Variants in ZNF385B observed in about 807,000 individuals in gnomAD.
ZNF385B encodes zinc finger protein 533.
Under a neutral mutation model 39.2 loss-of-function variants are expected in ZNF385B, and 23 were observed. The ratio of observed to expected loss-of-function variants is 0.59; its 90% CI spans 0.42 to 0.83. ZNF385B has a LOEUF of 0.83. Ranked by LOEUF, ZNF385B falls within the 40% of genes least tolerant of loss-of-function variation. The pLI is 0.00. For missense variants in ZNF385B, 552 were observed against 598.9 expected (o/e 0.92, Z 0.82); for synonymous variants, 205 against 222.6 (o/e 0.92, Z 0.70).
At chr2:179,838,027 C>A (rs1357088854) in intron 1 of ZNF385B, among the ~76,000 whole-genome samples, 1 of 151,366 alleles carries the variant, frequency 6.6e-6, no homozygotes, top group Non-Finnish European at 1.5e-5. Flanking sequence ...GCACAATATA[C>A]CTACAATTTA....
At chr2:179,722,407 T>G (rs1700751465) in intron 3 of ZNF385B, among the ~76,000 whole-genome samples, 1 of 152,114 alleles carries the variant, frequency 6.6e-6, no homozygotes, top group Non-Finnish European at 1.5e-5. Context: ...AACAATTCAA[T>G]GGAATGGAAT....
At chr2:179,590,670 G>A (rs757959218) in intron 3 of ZNF385B, among the ~76,000 whole-genome samples, 10 of 152,110 alleles carry the variant, frequency 6.6e-5, no homozygotes, top group Non-Finnish European at 1.2e-4. Context: ...TGTCAAGGGA[G>A]GGACCTTGTG....
chr2:179,716,498 A>G lies in ZNF385B; in HGVS notation c.298+53005T>C, dbSNP rs185337961. ...AAAACTTGAGTTAGATTATGTTCAT[A>G]AAAATGTTGCATATAAATTATGTAT... is the stretch of plus-strand genomic sequence containing the variant. On this transcript the variant is annotated intron_variant, in intron 3 of 9. Coordinates refer to ENST00000410066, the MANE Select transcript of ZNF385B (RefSeq NM_152520.6). 2.6e-5 allele frequency among the ~76,000 whole-genome samples: 4 copies of G among 152,340 alleles called. No homozygotes were observed. The East Asian group carries it at 7.7e-4, about 29-fold the overall frequency.
chr2:179,604,637 A>AT (rs1311596732), intron 3 of ZNF385B, among the ~76,000 whole-genome samples: 2 of 151,860 alleles, frequency 1.3e-5, no homozygotes, highest in Non-Finnish European at 2.9e-5. Context: ...CTAAGTAAAT[A>AT]TTTTTATATA....
intron 3 of ZNF385B, among the ~76,000 whole-genome samples, chr2:179,738,190 T>C (rs1357803597): frequency 6.6e-6 from 1 of 152,234 alleles, no homozygotes; most frequent in African/African-American, 2.4e-5. Context: ...AGCAAAAATC[T>C]TTCTTCTTGA....
intron 3 of ZNF385B, among the ~76,000 whole-genome samples, chr2:179,667,565 C>T (rs1465375870): frequency 1.3e-5 from 2 of 152,150 alleles, no homozygotes; most frequent in Non-Finnish European, 2.9e-5. Flanking sequence ...GATTTCGGGG[C>T]AGCTAATCAG....
chr2:179,809,794 GA>G (rs1209015748), intron 1 of ZNF385B, among the ~76,000 whole-genome samples: 3 of 151,656 alleles, frequency 2.0e-5, no homozygotes, highest in Admixed American at 6.6e-5. Context: ...GAATTATCGA[GA>G]AAAAAAATTA....
intron 3 of ZNF385B, among the ~76,000 whole-genome samples, chr2:179,756,565 G>A (rs1465360595): frequency 3.3e-5 from 5 of 152,184 alleles, no homozygotes; most frequent in Non-Finnish European, 7.4e-5. Context: ...ATAATATCCT[G>A]AAGAGTGTTT....
chr2:179,851,511 G>A (rs1361466374), intron 1 of ZNF385B, among the ~76,000 whole-genome samples: 1 of 152,194 alleles, frequency 6.6e-6, no homozygotes, highest in Non-Finnish European at 1.5e-5. Context: ...TGAACGTAGG[G>A]TTCAATCATA....
intron 3 of ZNF385B, among the ~76,000 whole-genome samples, chr2:179,706,094 G>T (rs1441401061): frequency 6.6e-6 from 1 of 152,170 alleles, no homozygotes; most frequent in African/African-American, 2.4e-5. Flanking sequence ...TCCAAGCAGA[G>T]AAATCTGGAA....
intron 1 of ZNF385B, among the ~76,000 whole-genome samples, chr2:179,858,125 A>T (rs751066357): frequency 6.6e-6 from 1 of 152,186 alleles, no homozygotes; most frequent in African/African-American, 2.4e-5. Flanking sequence ...GAAACAGATA[A>T]GAAGACTGAA....
intron 3 of ZNF385B, among the ~76,000 whole-genome samples, chr2:179,619,685 G>A (rs1690049237): frequency 6.6e-6 from 1 of 152,156 alleles, no homozygotes; most frequent in Admixed American, 6.5e-5. Flanking sequence ...ATTTTCTTAT[G>A]GGGAACGAGG....
chr2:179,466,915 CAAAAAAAAAAAAAA>C (rs777679885), intron 6 of ZNF385B, among the ~76,000 whole-genome samples: 2 of 26,930 alleles, frequency 7.4e-5, no homozygotes, highest in African/African-American at 1.5e-4. Context: ...GCAAGACTGT[CAAAAAAAAAAAAAA>C]AAAAAAAAAA....
chr2:179,731,896 T>C (rs2106429933), intron 3 of ZNF385B, among the ~76,000 whole-genome samples: 1 of 152,344 alleles, frequency 6.6e-6, no homozygotes, highest in Non-Finnish European at 1.5e-5. Flanking sequence ...CCAGCTTGCC[T>C]GCTTTGCCAA....
chr2:179,762,484 G>A (rs553934271), intron 3 of ZNF385B, among the ~76,000 whole-genome samples: 82 of 152,156 alleles, frequency 5.4e-4, no homozygotes, highest in African/African-American at 2.0e-3. Flanking sequence ...GAGCCACCAT[G>A]CCCAGGTGGT....
At chr2:179,755,788 G>T (rs1170475488) in intron 3 of ZNF385B, among the ~76,000 whole-genome samples, 3 of 152,164 alleles carry the variant, frequency 2.0e-5, no homozygotes, top group East Asian at 3.9e-4. Flanking sequence ...TTGCTTGGTA[G>T]ATCTTCCTCC....
At chr2:179,576,999 G>A (rs1187573754) in intron 3 of ZNF385B, among the ~76,000 whole-genome samples, 1 of 152,062 alleles carries the variant, frequency 6.6e-6, no homozygotes, top group African/African-American at 2.4e-5. Flanking sequence ...CACAACAGAC[G>A]GCTTTAAGCA....
chr2:179,610,649 T>C (rs1251038941), intron 3 of ZNF385B, among the ~76,000 whole-genome samples: 1 of 152,192 alleles, frequency 6.6e-6, no homozygotes, highest in African/African-American at 2.4e-5. Context: ...TTGGGTAGTA[T>C]GGACATCTTA....
chr2:179,633,863 T>C (rs182007192), intron 3 of ZNF385B, among the ~76,000 whole-genome samples: 11 of 152,270 alleles, frequency 7.2e-5, no homozygotes, highest in Middle Eastern at 3.4e-3. Flanking sequence ...AACAGAGATA[T>C]AGACCAATGG....
Sources: allele counts gnomAD v4.1 joint callset (sites outside exome capture counted in the v4.1 genomes callset), GRCh38; gene constraint gnomAD v4.1.1; transcripts MANE v1.5; gene names NCBI Gene and HGNC (gene_info 2026-07-23, HGNC 2026-07-21).